The following UNC5D variants were observed in gnomAD, a reference collection of about 807,000 sequenced individuals.
UNC5D encodes unc-5 netrin receptor D.
UNC5D carries 39 observed loss-of-function variants against 105.4 expected under a neutral mutation model. The ratio of observed to expected loss-of-function variants is 0.37; its 90% CI spans 0.29 to 0.48. The LOEUF is 0.48. Ranked by LOEUF, UNC5D falls within the 20% of genes least tolerant of loss-of-function variation. The pLI, the probability that UNC5D is intolerant of heterozygous loss-of-function variation, is 0.98. For synonymous variants in UNC5D, 452 were observed against 450.4 expected (o/e 1.00, Z -0.04); for missense variants, 991 against 1,202.4 (o/e 0.82, Z 2.60).
intron 1 of UNC5D, among the ~76,000 whole-genome samples, chr8:35,389,866 C>T (rs989736922): frequency 3.9e-5 from 6 of 152,062 alleles, no homozygotes; most frequent in Non-Finnish European, 7.4e-5. Flanking sequence ...ATCATCATTT[C>T]CTATTAACGG....
At chr8:35,295,410 A>C (rs1180714672) in intron 1 of UNC5D, among the ~76,000 whole-genome samples, 1 of 152,166 alleles carries the variant, frequency 6.6e-6, no homozygotes, top group African/African-American at 2.4e-5. Context: ...TCTTCAAAAA[A>C]ATTTTCCAAC....
At chr8:35,561,344 G>A (rs1195987199) in intron 2 of UNC5D, among the ~76,000 whole-genome samples, 1 of 152,078 alleles carries the variant, frequency 6.6e-6, no homozygotes, top group Non-Finnish European at 1.5e-5. Context: ...AAACCACAAT[G>A]GAAAGGCCCT....
intron 4 of UNC5D, among the ~76,000 whole-genome samples, chr8:35,620,143 C>T (rs1250126901): frequency 6.6e-6 from 1 of 152,184 alleles, no homozygotes; most frequent in Non-Finnish European, 1.5e-5. Flanking sequence ...CATGGACTTC[C>T]AGAACGATTT....
intron 1 of UNC5D, among the ~76,000 whole-genome samples, chr8:35,328,792 C>T (rs539661800): frequency 7.0e-4 from 107 of 152,302 alleles, no homozygotes; most frequent in African/African-American, 2.5e-3. Flanking sequence ...TTGGAGGCCA[C>T]AGGAGTATCG....
At chr8:35,321,177 A>C (rs1406133705) in intron 1 of UNC5D, among the ~76,000 whole-genome samples, 1 of 152,170 alleles carries the variant, frequency 6.6e-6, no homozygotes, top group Non-Finnish European at 1.5e-5. Context: ...TTATAATGAC[A>C]GTAGGTTTTA....
chr8:35,759,266 G>GT (rs1830650810), intron 13 of UNC5D, 54 bp from the exon 14 acceptor site: 1 of 1,588,446 alleles, frequency 6.3e-7, no homozygotes, highest in Non-Finnish European at 8.6e-7. Context: ...TAGGAAATAT[G>GT]TAAGTAGCAG....
At chr8:35,608,807 T>G (rs1198140471) in intron 4 of UNC5D, among the ~76,000 whole-genome samples, 1 of 49,044 alleles carries the variant, frequency 2.0e-5, no homozygotes, top group Admixed American at 1.9e-4. Flanking sequence ...ACATTTTCTT[T>G]AAATTCATTG....
chr8:35,424,005 G>GC (rs1563404080), intron 1 of UNC5D, among the ~76,000 whole-genome samples: 1 of 152,046 alleles, frequency 6.6e-6, no homozygotes, highest in East Asian at 1.9e-4. Context: ...TTGCTATGTT[G>GC]CCCCAACTGG....
At chr8:35,348,321 C>T (rs1186468244) in intron 1 of UNC5D, among the ~76,000 whole-genome samples, 2 of 151,768 alleles carry the variant, frequency 1.3e-5, no homozygotes, top group Non-Finnish European at 2.9e-5. Flanking sequence ...GACACAGAAG[C>T]AGAGGAGCAA....
rs150830762 is a variant in UNC5D, at chr8:35,347,845, A to G, written c.103+111958A>G. Among the ~76,000 whole-genome samples the G allele has an allele frequency of 2.8e-3, 429 of 152,140 alleles. 1 individual carries two copies. The highest frequency in any genetic ancestry group is 2.8e-3 in the Non-Finnish European group (188 of 67,930). ...AAATATCACTTGAAATTTATGCTGC[A>G]TAGCCCAAGAGGTCACCTGAAGAAA... On this transcript the variant is annotated intron_variant, in intron 1 of 16. Coordinates refer to ENST00000404895, the MANE Select transcript of UNC5D (RefSeq NM_080872.4).
At chr8:35,286,290 C>A (rs1198603740) in intron 1 of UNC5D, among the ~76,000 whole-genome samples, 3 of 152,180 alleles carry the variant, frequency 2.0e-5, no homozygotes, top group African/African-American at 7.2e-5. Flanking sequence ...CAACTATCCA[C>A]AGGCAAGAAT....
At chr8:35,478,166 A>C (rs1164377286) in intron 1 of UNC5D, among the ~76,000 whole-genome samples, 2 of 152,160 alleles carry the variant, frequency 1.3e-5, no homozygotes, top group Non-Finnish European at 2.9e-5. Flanking sequence ...CTTCAGATTA[A>C]TCAACACAGA....
intron 1 of UNC5D, among the ~76,000 whole-genome samples, chr8:35,400,989 AC>A (rs1268093320): frequency 2.0e-5 from 3 of 152,150 alleles, no homozygotes; most frequent in Non-Finnish European, 4.4e-5. Context: ...ATTTCTTGGC[AC>A]CAGTAATACA....
At chr8:35,615,879 T>C (rs1459263325) in intron 4 of UNC5D, among the ~76,000 whole-genome samples, 1 of 152,170 alleles carries the variant, frequency 6.6e-6, no homozygotes, top group Non-Finnish European at 1.5e-5. Flanking sequence ...CTGCACATAG[T>C]AGTAAACTCT....
chr8:35,284,771 C>A (rs1184447659), intron 1 of UNC5D, among the ~76,000 whole-genome samples: 2 of 152,112 alleles, frequency 1.3e-5, no homozygotes, highest in South Asian at 2.1e-4. Context: ...ACAATGTTAG[C>A]CAGGATGGTC....
chr8:35,655,856 T>C (rs1345758495), intron 4 of UNC5D, among the ~76,000 whole-genome samples: 1 of 152,176 alleles, frequency 6.6e-6, no homozygotes, highest in Non-Finnish European at 1.5e-5. Context: ...TGTCTAGAAT[T>C]GGCCAGTTGT....
intron 6 of UNC5D, 124 bp from the exon 7 acceptor site, chr8:35,686,420 CT>C: frequency 9.4e-7 from 1 of 1,065,006 alleles, no homozygotes; most frequent in Non-Finnish European, 1.3e-6. Context: ...TGGATATGTT[CT>C]TTTGTTTCTG....
intron 4 of UNC5D, among the ~76,000 whole-genome samples, chr8:35,596,337 T>A (rs1375639319): frequency 2.0e-5 from 3 of 152,218 alleles, no homozygotes; most frequent in African/African-American, 7.2e-5. Flanking sequence ...TCTTTCTAAA[T>A]CTTTTATTCA....
intron 4 of UNC5D, among the ~76,000 whole-genome samples, chr8:35,631,379 G>A (rs1022509664): frequency 6.6e-6 from 1 of 152,068 alleles, no homozygotes; most frequent in African/African-American, 2.4e-5. Context: ...GAGACTCAGA[G>A]AGGCCTGATG....
Sources: allele counts gnomAD v4.1 joint callset (sites outside exome capture counted in the v4.1 genomes callset), GRCh38; gene constraint gnomAD v4.1.1; transcripts MANE v1.5; gene names NCBI Gene and HGNC (gene_info 2026-07-23, HGNC 2026-07-21).